CDCA4: variants seen among roughly 807,000 people sequenced by gnomAD.
The protein encoded by CDCA4 is cell division cycle-associated protein 4.
For synonymous variants in CDCA4, 130 were observed against 137.0 expected, an observed-to-expected ratio of 0.95 and a Z score of 0.36; for missense variants, 294 against 322.1, an observed-to-expected ratio of 0.91 and a Z score of 0.67.
chr14:105,018,769 T>C (rs1886150052), intron 1 of CDCA4, among the ~76,000 whole-genome samples: 2 of 151,564 alleles, frequency 1.3e-5, no homozygotes, highest in African/African-American at 4.8e-5. Flanking sequence ...CAGAGTCTCA[T>C]TCTGTCCCCC....
Position 105,011,907 on chromosome 14 carries a change from C to T in CDCA4, c.23G>A (p.Arg8Lys). 1 of 1,610,830 alleles carries T rather than the reference C, an allele frequency of 6.2e-7. No homozygotes were observed. Among genetic ancestry groups the T allele is most frequent in the Non-Finnish European group, 8.5e-7 (1 of 1,177,996 alleles). The change falls in exon 2 of 2, where the codon AGG becomes AAG. Residue 8 changes from arginine to lysine, a missense_variant. Coordinates refer to ENST00000336219, the MANE Select transcript of CDCA4 (RefSeq NM_017955.4). MFARGLKRKCVGHEEDVE... is the reference protein window; with the variant it reads MFARGLKKKCVGHEEDVE... Reference sequence around the variant, plus strand: ...GTCTTCCTCGTGGCCAACACATTTCCTCTTCAGTCCTCGTGCAAACATTGT... The same window carrying T: ...GTCTTCCTCGTGGCCAACACATTTCTTCTTCAGTCCTCGTGCAAACATTGT...
At chr14:105,020,661 T>C (rs974955332) in intron 1 of CDCA4, among the ~76,000 whole-genome samples, 2 of 152,244 alleles carry the variant, frequency 1.3e-5, no homozygotes, top group East Asian at 3.9e-4. Flanking sequence ...CGCCGCTGCG[T>C]ACCCCAGCCG....
intron 1 of CDCA4, among the ~76,000 whole-genome samples, chr14:105,017,931 A>T (rs1886128060): frequency 6.6e-6 from 1 of 152,204 alleles, no homozygotes; most frequent in Admixed American, 6.5e-5. Flanking sequence ...AACATACCTC[A>T]ATGATTTATG....
rs1376522553 is a variant in CDCA4 at position 105,020,347 on chromosome 14, C to G, written c.-7+652G>C. Among the ~76,000 whole-genome samples the G allele has an allele frequency of 2.0e-5, 3 of 152,372 alleles. No individual in the cohort carries two copies. In the South Asian group the frequency reaches 6.2e-4, roughly 32 times the overall value. On this transcript the variant is annotated intron_variant, in intron 1 of 1. Coordinates refer to ENST00000336219, the MANE Select transcript of CDCA4 (RefSeq NM_017955.4). ...CACGAAGGCCACAGGAGAAGCGAGG[C>G]AGCGGAGACCCTCTATTCCAGCAAG... is the stretch of plus-strand genomic sequence containing the variant.
Position 105,011,257 on chromosome 14 carries a change from T to C in CDCA4, c.673A>G (p.Lys225Glu). 6.2e-7 allele frequency: 1 copy of C among 1,613,544 alleles called. No homozygotes were observed. Among genetic ancestry groups the C allele is most frequent in the Non-Finnish European group, 8.5e-7 (1 of 1,179,870 alleles). ...TGGTCCAGCTCGCCCAGGTCGGACT[T>C]GCAGCTGGAGCTAGGGCCTGGGGTG... ...PATPGPSSSC[K>E]SDLGELDHVV... The change falls in exon 2 of 2, where the codon AAG becomes GAG. Residue 225 changes from lysine to glutamate, a missense_variant. Physicochemically the swap from Lys to Glu is moderately conservative, Grantham distance 56. Transcript: ENST00000336219.
At chr14:105,017,945 C>A (rs1886128549) in intron 1 of CDCA4, among the ~76,000 whole-genome samples, 1 of 152,172 alleles carries the variant, frequency 6.6e-6, no homozygotes, top group Middle Eastern at 3.4e-3. Flanking sequence ...ATTTATGCAA[C>A]ACGGATAAAT....
In CDCA4 at chr14:105,019,959, C is replaced by CG. The variant is rs550710744; in HGVS notation, c.-7+1039dup. Among the ~76,000 whole-genome samples, 26 of 152,346 alleles carry CG rather than the reference C, an allele frequency of 1.7e-4. No homozygotes were observed. The South Asian group carries it at 5.4e-3, about 32-fold the overall frequency. On this transcript the variant is annotated intron_variant, in intron 1 of 1. Transcript: ENST00000336219. Reference sequence around the variant, plus strand: ...AACTCGGGACCTCAGGAGATCCACCCGCCTAGGCCTCCTCTCAAAGTGCTG... The same window carrying CG: ...AACTCGGGACCTCAGGAGATCCACCCGGCCTAGGCCTCCTCTCAAAGTGCTG...
chr14:105,012,069 T>C (rs2140908256), intron 1 of CDCA4, 134 bp from the exon 2 acceptor site: 1 of 1,028,568 alleles, frequency 9.7e-7, no homozygotes, highest in Non-Finnish European at 1.4e-6. Flanking sequence ...TTGACAGAGC[T>C]GTAACTCCCT....
intron 1 of CDCA4, among the ~76,000 whole-genome samples, chr14:105,018,705 C>G (rs1886147344): frequency 6.6e-6 from 1 of 151,510 alleles, no homozygotes; most frequent in Admixed American, 6.6e-5. Flanking sequence ...TATACCATAC[C>G]GGTGGGGCTG....
chr14:105,015,251 T>C (rs1387461736), intron 1 of CDCA4, among the ~76,000 whole-genome samples: 3 of 152,240 alleles, frequency 2.0e-5, no homozygotes, highest in Middle Eastern at 3.4e-3. Context: ...CTGGGGATCT[T>C]AAGAGGATGA....
In CDCA4 at chr14:105,011,137, C is replaced by T; in HGVS notation, c.*67G>A. The T allele has an allele frequency of 1.3e-6, 2 of 1,512,184 alleles. No homozygotes were observed. Among genetic ancestry groups the T allele is most frequent in the Non-Finnish European group, 8.8e-7 (1 of 1,131,254 alleles). The allele number at this position is 1,512,184 out of a possible 1,614,324, so 93.7% of individuals were successfully genotyped here. A position where few individuals can be genotyped will look rare whatever the true frequency, so the allele number is the denominator to read the frequency against. On this transcript the variant is annotated 3_prime_UTR_variant, in exon 2 of 2. Coordinates refer to ENST00000336219, the MANE Select transcript of CDCA4 (RefSeq NM_017955.4). ...GCTGGGCCGCTGGCGGCAGGCGCAC[C>T]CTCCGTGGGAGCCAGTGCTCACGTG...
chr14:105,011,463 C>T lies in CDCA4; in HGVS notation c.467G>A (p.Gly156Glu), dbSNP rs368239860. The change falls in exon 2 of 2, where the codon GGA becomes GAA. Residue 156 changes from glycine (G) to glutamate (E), a missense_variant. Transcript: ENST00000336219. Reference sequence around the variant, plus strand: ...CTGATCAAGTGACTTGTGAAAGCTTCCTCTGTTTTCTCGAGGGCCATCCAT... The same window carrying T: ...CTGATCAAGTGACTTGTGAAAGCTTTCTCTGTTTTCTCGAGGGCCATCCAT... ...WEMDGPRENRGSFHKSLDQIF... is the reference protein window; with the variant it reads ...WEMDGPRENRESFHKSLDQIF... The T allele has an allele frequency of 9.9e-6, 16 of 1,614,208 alleles. No homozygotes were observed. Among genetic ancestry groups the T allele is most frequent in the Non-Finnish European group, 1.4e-5 (16 of 1,180,030 alleles).
chr14:105,011,051 G>T lies in CDCA4; in HGVS notation c.*153C>A. On this transcript the variant is annotated 3_prime_UTR_variant, in exon 2 of 2. Transcript: ENST00000336219. ...AGGTGAGTGGGACGGGCCTAGGGCT[G>T]CAGCCCCACTGGTAATGGGCTGTTC... The T allele has an allele frequency of 1.1e-6, 1 of 920,412 alleles. No homozygotes were observed. Among genetic ancestry groups the T allele is most frequent in the Non-Finnish European group, 1.6e-6 (1 of 629,408 alleles). The allele number at this position is 920,412 out of a possible 1,614,324, so 57.0% of individuals were successfully genotyped here. A position where few individuals can be genotyped will look rare whatever the true frequency, so the allele number is the denominator to read the frequency against.
At position 105,010,947 on chromosome 14, in the gene CDCA4, C is replaced by T. The variant is rs192042242; in HGVS notation, c.*257G>A. On this transcript the variant is annotated 3_prime_UTR_variant, in exon 2 of 2. Transcript: ENST00000336219. ...CTACAGTGGGGGACACAAAGAGACA[C>T]GAGGGGCCCAGGGCTGTGGGGACGT... is the stretch of plus-strand genomic sequence containing the variant. The T allele has an allele frequency of 5.8e-5, 31 of 529,956 alleles. No individual in the cohort carries two copies. The highest frequency in any genetic ancestry group is 7.0e-5 in the Non-Finnish European group (21 of 300,928). 32.8% of individuals were successfully genotyped at this position (529,956 alleles called of 1,614,324 possible).
Position 105,011,780 on chromosome 14 carries a change from C to T in CDCA4, c.150G>A (p.Met50Ile). The change falls in exon 2 of 2, where the codon ATG becomes ATA. Residue 50 changes from methionine (M) to isoleucine (I), a missense_variant. Physicochemically the swap from Met to Ile is conservative, Grantham distance 10. Coordinates refer to ENST00000336219, the MANE Select transcript of CDCA4 (RefSeq NM_017955.4). ...MSLVKLQLCH[M>I]LVEPNLCRSV... ...AGCGGCACAGGTTGGGCTCCACAAG[C>T]ATGTGGCAAAGCTGCAACTTCACCA... 3 of 1,613,746 alleles carry T rather than the reference C, an allele frequency of 1.9e-6. No individual in the cohort carries two copies. The highest frequency in any genetic ancestry group is 2.5e-6 in the Non-Finnish European group (3 of 1,180,040).
At chr14:105,013,260 C>T (rs979058173) in intron 1 of CDCA4, among the ~76,000 whole-genome samples, 6 of 151,822 alleles carry the variant, frequency 4.0e-5, no homozygotes, top group African/African-American at 1.5e-4. Flanking sequence ...AAAGGCAGAG[C>T]AGACAGGAGG....
chr14:105,011,990 C>T (rs1452667583), intron 1 of CDCA4, 55 bp from the exon 2 acceptor site: 8 of 1,537,324 alleles, frequency 5.2e-6, no homozygotes, highest in Non-Finnish European at 7.0e-6. Flanking sequence ...CTGCGGACAG[C>T]GCCCCTTGGA....
At chr14:105,020,898 G>T (rs1260713222) in intron 1 of CDCA4, 101 bp downstream of exon 1, 1 of 151,842 alleles carries the variant, frequency 6.6e-6, no homozygotes, top group African/African-American at 2.4e-5. Context: ...CCAGCGCCAG[G>T]AGCCACAGAC....
intron 1 of CDCA4, among the ~76,000 whole-genome samples, chr14:105,017,222 CTT>C (rs375815781): frequency 1.4e-5 from 2 of 145,644 alleles, no homozygotes; most frequent in African/African-American, 2.5e-5. Context: ...TGTAAGCATT[CTT>C]TTTTTTTTTA....
Sources: allele counts gnomAD v4.1 joint callset (sites outside exome capture counted in the v4.1 genomes callset), GRCh38; gene constraint gnomAD v4.1.1; transcripts MANE v1.5; gene names NCBI Gene and HGNC (gene_info 2026-07-23, HGNC 2026-07-21).